CASQ2: variants seen among roughly 807,000 people sequenced by gnomAD.
CASQ2 encodes the protein calsequestrin-2.
A neutral mutation model predicts 46.5 loss-of-function variants in CASQ2; 49 were observed. The ratio of observed to expected loss-of-function variants is 1.05; its 90% CI spans 0.84 to 1.34. CASQ2 has a LOEUF of 1.34. Among genes scored for constraint, CASQ2 ranks in the 40% most tolerant of loss-of-function variants. The pLI is 0.00. For synonymous variants in CASQ2, 174 were observed against 168.5 expected (o/e 1.03, Z -0.25); for missense variants, 486 against 481.3 (o/e 1.01, Z -0.09).
Position 115,761,462 on chromosome 1 carries a change from AG to A in CASQ2, c.234+6845del, listed in dbSNP as rs1557806729. Among the ~76,000 whole-genome samples the A allele has an allele frequency of 1.4e-3, 16 of 11,840 alleles. 3 individuals are homozygous for A. The highest frequency in any genetic ancestry group is 1.7e-3 in the Admixed American group (2 of 1,166). 7.8% of individuals were successfully genotyped at this position (11,840 alleles called of 152,430 possible). A position where few individuals can be genotyped will look rare whatever the true frequency, so the allele number is the denominator to read the frequency against. On this transcript the variant is annotated intron_variant, in intron 1 of 10. Coordinates refer to ENST00000261448, the MANE Select transcript of CASQ2 (RefSeq NM_001232.4). ...AGAAAGAAGAAGAAGAAGAAGAAGA[AG>A]GAGAAGAAGAAGAAGAAGAAGAAGG...
intron 8 of CASQ2, among the ~76,000 whole-genome samples, chr1:115,710,905 G>T (rs1654523936): frequency 6.6e-6 from 1 of 152,170 alleles, no homozygotes; most frequent in Non-Finnish European, 1.5e-5. Flanking sequence ...AGGAGAAACT[G>T]GTGATTATCC....
intron 1 of CASQ2, among the ~76,000 whole-genome samples, chr1:115,752,571 T>C (rs951240393): frequency 6.6e-6 from 1 of 152,028 alleles, no homozygotes; most frequent in Non-Finnish European, 1.5e-5. Context: ...GAAGAAATGG[T>C]ATAAGAAAAG....
chr1:115,748,173 ACAACTC>A (rs1648451927), intron 1 of CASQ2, among the ~76,000 whole-genome samples: 1 of 152,132 alleles, frequency 6.6e-6, no homozygotes, highest in African/African-American at 2.4e-5. Flanking sequence ...GTTTGGCTCT[ACAACTC>A]ATACTATAAA....
Position 115,727,018 on chromosome 1 carries a change from C to A in CASQ2, c.711G>T (p.Leu237=), listed in dbSNP as rs777363402. The change falls in exon 6 of 11, where the codon CTG becomes CTT. Residue 237 remains leucine, a synonymous_variant. Transcript: ENST00000261448. ...TTTGGTGTTCCTTCACAAACTCCAC[C>A]AGCTCCTCTTCTGTGTAAGGTTTGT... ...IPNKPYTEEE[L]VEFVKEHQRP... 1.2e-6 allele frequency: 2 copies of A among 1,613,758 alleles called. No homozygotes were observed. Among genetic ancestry groups the A allele is most frequent in the African/African-American group, 2.7e-5 (2 of 74,904 alleles).
chr1:115,752,085 G>A (rs556894680), intron 1 of CASQ2, among the ~76,000 whole-genome samples: 2 of 152,274 alleles, frequency 1.3e-5, no homozygotes, highest in African/African-American at 4.8e-5. Flanking sequence ...CACATGCTCT[G>A]CTTCTACACA....
At chr1:115,767,568 A>C (rs10158386) in intron 1 of CASQ2, among the ~76,000 whole-genome samples, 49,365 of 151,998 alleles carry the variant, frequency 0.32, 8,217 homozygotes, top group East Asian at 0.53. Flanking sequence ...CTTAAAGTGT[A>C]AGCCATCTTA....
intron 8 of CASQ2, among the ~76,000 whole-genome samples, chr1:115,707,093 A>T (rs6428687): frequency 0.4 from 60,845 of 151,070 alleles, 13,608 homozygotes; most frequent in African/African-American, 0.59. Flanking sequence ...CATAGCTCAC[A>T]GCAGCCTCGA....
intron 4 of CASQ2, among the ~76,000 whole-genome samples, chr1:115,737,804 A>AT (rs1648017116): frequency 6.6e-6 from 1 of 152,190 alleles, no homozygotes; most frequent in African/African-American, 2.4e-5. Context: ...TGCTAAGCCC[A>AT]TCCCTACCCC....
At position 115,759,437 on chromosome 1, in the gene CASQ2, G is replaced by A. The variant is rs183249236; in HGVS notation, c.234+8871C>T. ...TGTCTTTCTTTCTCTCTCATCACAT[G>A]ATTTCCTTGCCCACTCCTCTATTGC... On this transcript the variant is annotated intron_variant, in intron 1 of 10. Coordinates refer to ENST00000261448, the MANE Select transcript of CASQ2 (RefSeq NM_001232.4). 1.2e-3 allele frequency among the ~76,000 whole-genome samples: 186 copies of A among 152,268 alleles called. 1 individual carries two copies. Among genetic ancestry groups the A allele is most frequent in the African/African-American group, 4.4e-3 (182 of 41,564 alleles).
rs1654358028 is a variant in CASQ2, at chr1:115,706,232, G to T, written c.839-940C>A. Reference sequence around the variant, plus strand: ...CACGCGTGCATGTGCAGAAACACAAGCCATGTGTGCATGTGTGTCCACGTA... The same window carrying T: ...CACGCGTGCATGTGCAGAAACACAATCCATGTGTGCATGTGTGTCCACGTA... On this transcript the variant is annotated intron_variant, in intron 8 of 10. Transcript: ENST00000261448. Among the ~76,000 whole-genome samples, 8 of 152,152 alleles carry T rather than the reference G, an allele frequency of 5.3e-5. 1 individual carries two copies. In the South Asian group the frequency reaches 1.7e-3, roughly 31 times the overall value.
intron 7 of CASQ2, among the ~76,000 whole-genome samples, chr1:115,720,552 C>T (rs1217982242): frequency 3.3e-5 from 5 of 152,176 alleles, no homozygotes; most frequent in Non-Finnish European, 7.3e-5. Flanking sequence ...ATTTATTCCC[C>T]TGCAGGGTTT....
chr1:115,705,121 C>T, intron 9 of CASQ2, 71 bp downstream of exon 9: 4 of 991,224 alleles, frequency 4.0e-6, no homozygotes, highest in East Asian at 4.8e-5. Context: ...TATTTCACCT[C>T]CTCAGATGCT....
intron 10 of CASQ2, 91 bp from the exon 11 acceptor site, chr1:115,701,517 C>T: frequency 1.2e-6 from 1 of 830,200 alleles, no homozygotes; most frequent in African/African-American, 1.7e-5. Context: ...TGCTGAGTGC[C>T]CCCCGACTCT....
At chr1:115,747,676 A>G (rs922029692) in intron 1 of CASQ2, among the ~76,000 whole-genome samples, 1 of 152,212 alleles carries the variant, frequency 6.6e-6, no homozygotes, top group Non-Finnish European at 1.5e-5. Context: ...TTCAGCCTAC[A>G]AGTCTGGCAC....
chr1:115,737,849 G>A (rs1368927318), intron 4 of CASQ2, among the ~76,000 whole-genome samples: 1 of 152,186 alleles, frequency 6.6e-6, no homozygotes, highest in African/African-American at 2.4e-5. Flanking sequence ...TGACTGCAAA[G>A]CTCTCCAGCT....
intron 5 of CASQ2, among the ~76,000 whole-genome samples, chr1:115,731,377 C>G (rs1299849667): frequency 6.6e-6 from 1 of 152,208 alleles, no homozygotes; most frequent in Non-Finnish European, 1.5e-5. Context: ...CAGCTGGATT[C>G]TTACCCAGGA....
At chr1:115,715,440 T>G (rs1654670250) in intron 8 of CASQ2, among the ~76,000 whole-genome samples, 2 of 152,172 alleles carry the variant, frequency 1.3e-5, no homozygotes, top group African/African-American at 4.8e-5. Context: ...TCATGCTAAG[T>G]GAAAGATGCC....
Position 115,701,437 on chromosome 1 carries a change from G to C in CASQ2, c.1015-11C>G. ...CCAGACACTGTCAGCCTGCAGTGAG[G>C]GACAAAATGAATGAGTGGGTAAATG... is the stretch of plus-strand genomic sequence containing the variant. On this transcript the variant is annotated splice_polypyrimidine_tract_variant and intron_variant, in intron 10 of 10. Coordinates refer to ENST00000261448, the MANE Select transcript of CASQ2 (RefSeq NM_001232.4). 2 of 1,573,832 alleles carry C rather than the reference G, an allele frequency of 1.3e-6. No homozygotes were observed. Among genetic ancestry groups the C allele is most frequent in the East Asian group, 4.5e-5 (2 of 44,700 alleles).
intron 2 of CASQ2, 41 bp downstream of exon 2, chr1:115,744,787 C>T (rs771368115): frequency 6.0e-6 from 8 of 1,333,108 alleles, no homozygotes; most frequent in South Asian, 4.7e-5. Context: ...AAGACACATT[C>T]GTTTCTTTCC....
Sources: gnomAD v4.1 joint callset for allele counts (sites outside exome capture counted in the v4.1 genomes callset) on GRCh38, gnomAD v4.1.1 for gene constraint, MANE v1.5 for transcripts, NCBI Gene and HGNC (gene_info 2026-07-23, HGNC 2026-07-21) for gene names.